The following SUMF1 variants were observed in gnomAD, a reference collection of about 807,000 sequenced individuals.
The protein encoded by SUMF1 is formylglycine-generating enzyme.
SUMF1 carries 48 observed loss-of-function variants against 47.6 expected under a neutral mutation model. That is an observed-to-expected ratio of 1.01 (90% CI 0.80 to 1.28). The LOEUF is 1.28. Ranked by LOEUF, SUMF1 falls within the 50% of genes most tolerant of loss-of-function variation. The pLI is 0.00. For synonymous variants in SUMF1, 230 were observed against 192.1 expected, an observed-to-expected ratio of 1.20 and a Z score of -1.63; for missense variants, 571 against 485.4, an observed-to-expected ratio of 1.18 and a Z score of -1.66.
intron 7 of SUMF1, among the ~76,000 whole-genome samples, chr3:4,381,010 G>C (rs574333589): frequency 1.3e-5 from 2 of 152,290 alleles, no homozygotes; most frequent in African/African-American, 4.8e-5. Context: ...AAGAGGGGTA[G>C]CCAGCCTGCT....
intron 8 of SUMF1, among the ~76,000 whole-genome samples, chr3:4,149,643 A>G (rs1456069162): frequency 2.6e-5 from 4 of 152,174 alleles, no homozygotes; most frequent in African/African-American, 9.7e-5. Flanking sequence ...TAATCCCCAA[A>G]CAGGAAGCAA....
chr3:4,313,555 A>C, intron 8 of SUMF1: 1 of 1,614,082 alleles, frequency 6.2e-7, no homozygotes, highest in Non-Finnish European at 8.5e-7. Flanking sequence ...TCTAACAGTC[A>C]GTGAAGACAA....
chr3:4,136,980 C>T (rs1087734), intron 8 of SUMF1, among the ~76,000 whole-genome samples: 147,168 of 152,150 alleles, frequency 0.97, 71,266 homozygotes, highest in Non-Finnish European at 0.99. Context: ...CAACAGATGC[C>T]GGAGGGGATG....
intron 3 of SUMF1, among the ~76,000 whole-genome samples, chr3:4,422,906 G>T (rs564472970): frequency 8.5e-5 from 13 of 152,124 alleles, no homozygotes. Context: ...CATCTCCTAA[G>T]CAGTATACAC....
At chr3:4,433,521 T>C (rs1386438514) in intron 3 of SUMF1, among the ~76,000 whole-genome samples, 1 of 152,196 alleles carries the variant, frequency 6.6e-6, no homozygotes, top group Non-Finnish European at 1.5e-5. Context: ...TACCTTCTTA[T>C]CTCATCTAGT....
chr3:4,326,179 C>G (rs781201402), intron 8 of SUMF1, among the ~76,000 whole-genome samples: 1 of 152,174 alleles, frequency 6.6e-6, no homozygotes, highest in African/African-American at 2.4e-5. Context: ...AGACAAGTCA[C>G]AGAAAGACCA....
chr3:4,103,089 A>T (rs1693074265), intron 8 of SUMF1, among the ~76,000 whole-genome samples: 2 of 151,678 alleles, frequency 1.3e-5, no homozygotes, highest in African/African-American at 4.8e-5. Flanking sequence ...CATCTGGCTA[A>T]TTTTTGTATT....
intron 3 of SUMF1, among the ~76,000 whole-genome samples, chr3:4,435,558 C>A (rs1702370557): frequency 6.6e-6 from 1 of 152,078 alleles, no homozygotes; most frequent in African/African-American, 2.4e-5. Context: ...CAAGAAACCC[C>A]AAATAGGATA....
intron 7 of SUMF1, among the ~76,000 whole-genome samples, chr3:4,392,609 GTGTGTGTA>G (rs1344655016): frequency 2.1e-5 from 2 of 94,854 alleles, no homozygotes; most frequent in Non-Finnish European, 4.7e-5. Context: ...GTGTGTGTGT[GTGTGTGTA>G]TATATATATA....
intron 8 of SUMF1, among the ~76,000 whole-genome samples, chr3:4,203,784 G>T (rs1211358054): frequency 6.6e-6 from 1 of 151,086 alleles, no homozygotes; most frequent in African/African-American, 2.4e-5. Flanking sequence ...AGGTTACCAT[G>T]AGGCTTGAAA....
Position 4,437,942 on chromosome 3 carries a change from AC to A in SUMF1, c.519+11323del, listed in dbSNP as rs1702454733. On this transcript the variant is annotated intron_variant, in intron 3 of 8. Transcript: ENST00000272902. ...CAACAGGGCAAGACTGTCTCAAAAC[AC>A]AAAAATAAAATAAAAAAATAAAATG... Among the ~76,000 whole-genome samples, 7 of 152,172 alleles carry A rather than the reference AC, an allele frequency of 4.6e-5. No homozygotes were observed. The South Asian group carries it at 1.4e-3, about 32-fold the overall frequency.
chr3:4,086,577 C>G (rs1015902143), intron 8 of SUMF1, among the ~76,000 whole-genome samples: 1 of 152,090 alleles, frequency 6.6e-6, no homozygotes, highest in Non-Finnish European at 1.5e-5. Context: ...CTCTGCTTAT[C>G]TTACAGGGAT....
chr3:4,419,802 G>C (rs989791685), intron 4 of SUMF1, among the ~76,000 whole-genome samples: 1 of 152,190 alleles, frequency 6.6e-6, no homozygotes, highest in Non-Finnish European at 1.5e-5. Context: ...AAGGAGCAGG[G>C]AAACTGGGAA....
intron 8 of SUMF1, among the ~76,000 whole-genome samples, chr3:4,352,199 G>A (rs960759489): frequency 6.6e-6 from 1 of 152,238 alleles, no homozygotes; most frequent in Non-Finnish European, 1.5e-5. Flanking sequence ...CAAAAATGGC[G>A]TGAGTCCTGG....
chr3:4,159,641 G>T (rs1011320709), intron 8 of SUMF1, among the ~76,000 whole-genome samples: 4 of 152,010 alleles, frequency 2.6e-5, no homozygotes, highest in African/African-American at 9.7e-5. Context: ...TACCAGTAAG[G>T]TTTGTACCTT....
At position 4,157,158 on chromosome 3, in the gene SUMF1, C is replaced by T. The variant is rs1176709482; in HGVS notation, c.1015-88413G>A. On this transcript the variant is annotated intron_variant and NMD_transcript_variant, in intron 8 of 12. Coordinates refer to the SUMF1 transcript ENST00000448413. ...TTAATTTCTTGGTGTTTGGTCTTAT[C>T]ACAGGGATAATTCACAGAATAGGTT... Among the ~76,000 whole-genome samples the T allele has an allele frequency of 3.3e-5, 5 of 151,508 alleles. No individual in the cohort carries two copies. In the East Asian group the frequency reaches 9.6e-4, roughly 29 times the overall value.
At chr3:4,257,031 G>A (rs1431155694) in intron 8 of SUMF1, among the ~76,000 whole-genome samples, 1 of 116,832 alleles carries the variant, frequency 8.6e-6, no homozygotes, top group Non-Finnish European at 1.6e-5. Context: ...CTCAATAGAG[G>A]CAGAAAAAGC....
rs192352981 is a variant in SUMF1 at position 4,215,503 on chromosome 3, C to T, written c.1015-146758G>A. 1.5e-3 allele frequency among the ~76,000 whole-genome samples: 226 copies of T among 152,312 alleles called. 1 individual carries two copies. The highest frequency in any genetic ancestry group is 4.1e-3 in the Admixed American group (63 of 15,296). ...CCAGCACAAGGCAAGGATGCCCTCT[C>T]TCACCACCCCTATTCAACATAGTAT... On this transcript the variant is annotated intron_variant and NMD_transcript_variant, in intron 8 of 12. Transcript: ENST00000448413.
At chr3:4,344,693 A>T (rs570937713) in intron 8 of SUMF1, among the ~76,000 whole-genome samples, 131 of 152,250 alleles carry the variant, frequency 8.6e-4, no homozygotes, top group African/African-American at 3.1e-3. Flanking sequence ...AGACGGATGA[A>T]TTGACAGTAG....
Sources: allele counts gnomAD v4.1 joint callset (sites outside exome capture counted in the v4.1 genomes callset), GRCh38; gene constraint gnomAD v4.1.1; transcripts MANE v1.5; gene names NCBI Gene and HGNC (gene_info 2026-07-23, HGNC 2026-07-21).